Variants in XPNPEP1 observed in about 807,000 individuals in gnomAD.
XPNPEP1 encodes the protein X-prolyl aminopeptidase 1.
In XPNPEP1, 39 loss-of-function variants were observed where a neutral mutation model predicts 92.4. That is an observed-to-expected ratio of 0.42 (90% CI 0.33 to 0.55). XPNPEP1 has a LOEUF of 0.55. Ranked by LOEUF, XPNPEP1 falls within the 20% of genes least tolerant of loss-of-function variation. The pLI is 0.08. For missense variants in XPNPEP1, 654 were observed against 856.1 expected (o/e 0.76, Z 2.95); for synonymous variants, 307 against 299.4 (o/e 1.03, Z -0.26).
chr10:109,918,151 A>G (rs1477690584), intron 1 of XPNPEP1, among the ~76,000 whole-genome samples: 1 of 152,026 alleles, frequency 6.6e-6, no homozygotes, highest in Non-Finnish European at 1.5e-5. Flanking sequence ...CCCAGGCACA[A>G]TGACTCACAT....
chr10:109,894,975 C>A (rs1848906533), intron 3 of XPNPEP1, among the ~76,000 whole-genome samples: 1 of 152,186 alleles, frequency 6.6e-6, no homozygotes, highest in Non-Finnish European at 1.5e-5. Context: ...GGGTGGCCCA[C>A]ACATCTCCTA....
At chr10:109,920,782 G>T (rs745877793) in intron 1 of XPNPEP1, among the ~76,000 whole-genome samples, 5 of 152,056 alleles carry the variant, frequency 3.3e-5, no homozygotes, top group Non-Finnish European at 7.4e-5. Flanking sequence ...CTGGCCTCAA[G>T]TGATCCTCCC....
At chr10:109,893,358 C>A (rs936212498) in intron 3 of XPNPEP1, 44 of 307,656 alleles carry the variant, frequency 1.4e-4, no homozygotes, top group African/African-American at 9.0e-4. Context: ...TCTTTCTTCA[C>A]TGAGATCTTA....
At chr10:109,878,780 G>A (rs1202360216) in intron 12 of XPNPEP1, among the ~76,000 whole-genome samples, 2 of 151,920 alleles carry the variant, frequency 1.3e-5, no homozygotes, top group Non-Finnish European at 2.9e-5. Context: ...GGAGGCTGAG[G>A]TGGGAGGATC....
intron 10 of XPNPEP1, among the ~76,000 whole-genome samples, chr10:109,881,943 T>C (rs1367782407): frequency 6.6e-6 from 1 of 152,202 alleles, no homozygotes; most frequent in South Asian, 2.1e-4. Context: ...CTATAAAATG[T>C]GGTGCGGCAG....
intron 3 of XPNPEP1, among the ~76,000 whole-genome samples, chr10:109,898,543 C>T (rs1849106392): frequency 6.6e-6 from 1 of 152,038 alleles, no homozygotes; most frequent in Non-Finnish European, 1.5e-5. Context: ...CAAGGATAGG[C>T]GAAGAGAGCA....
chr10:109,910,253 T>C (rs536999494), intron 2 of XPNPEP1, among the ~76,000 whole-genome samples: 1 of 152,286 alleles, frequency 6.6e-6, no homozygotes, highest in South Asian at 2.1e-4. Context: ...CACTTAAGAA[T>C]ATGCATTTAA....
chr10:109,866,498 A>C (rs1847152248), intron 20 of XPNPEP1, among the ~76,000 whole-genome samples: 1 of 152,238 alleles, frequency 6.6e-6, no homozygotes, highest in Non-Finnish European at 1.5e-5. Context: ...CTCAACAGTA[A>C]GGCAACGGCA....
chr10:109,878,634 T>A, intron 12 of XPNPEP1, among the ~76,000 whole-genome samples: 1 of 152,156 alleles, frequency 6.6e-6, no homozygotes, highest in Non-Finnish European at 1.5e-5. Flanking sequence ...ACACCTATAA[T>A]CCTAGCACTT....
In XPNPEP1 at chr10:109,888,613, G is replaced by A. The variant is rs757264892; in HGVS notation, c.416-18C>T. The A allele has an allele frequency of 1.8e-5, 28 of 1,577,964 alleles. No homozygotes were observed. The East Asian group carries it at 2.9e-4, about 17-fold the overall frequency. On this transcript the variant is annotated intron_variant, in intron 5 of 20. Transcript: ENST00000502935. The stretch of plus-strand genomic sequence containing the variant: ...CTTCAGACCTACAGGGGGAAGAAAT[G>A]ATAAGAAACAATTCCCAGTGGGCCC...
intron 1 of XPNPEP1, among the ~76,000 whole-genome samples, chr10:109,915,795 GAA>G: frequency 6.6e-6 from 1 of 152,298 alleles, no homozygotes; most frequent in Admixed American, 6.5e-5. Context: ...CACCAGGCAT[GAA>G]GGTCTATATC....
chr10:109,887,980 C>T (rs472049), intron 7 of XPNPEP1, 69 bp downstream of exon 7: 671,698 of 1,584,630 alleles, frequency 0.42, 147,807 homozygotes, highest in African/African-American at 0.51. Context: ...GAGGACGAGG[C>T]TGGAGACAAT....
intron 3 of XPNPEP1, among the ~76,000 whole-genome samples, chr10:109,902,073 A>G (rs1371534903): frequency 6.6e-6 from 1 of 152,242 alleles, no homozygotes; most frequent in Admixed American, 6.5e-5. Context: ...GACAGTGCTA[A>G]TGAGGTCCTT....
rs919827935 is a variant in XPNPEP1, at chr10:109,875,515, C to T, written c.1391+13G>A. On this transcript the variant is annotated intron_variant, in intron 15 of 20. Coordinates refer to ENST00000502935, the MANE Select transcript of XPNPEP1 (RefSeq NM_020383.4). Reference sequence around the variant, plus strand: ...TCCATAGTCAAGTTCCACAGCAGTCCTGGTTTACTTACTTGTATTGAGCAC... The same window carrying T: ...TCCATAGTCAAGTTCCACAGCAGTCTTGGTTTACTTACTTGTATTGAGCAC... The T allele has an allele frequency of 2.5e-6, 4 of 1,613,610 alleles. No homozygotes were observed. Among genetic ancestry groups the T allele is most frequent in the Middle Eastern group, 3.3e-4 (2 of 6,060 alleles).
chr10:109,877,466 C>CA (rs11403472), intron 14 of XPNPEP1: 66,232 of 220,364 alleles, frequency 0.3, 5,404 homozygotes, highest in Admixed American at 0.45. Context: ...ACCTTGTCTC[C>CA]AAAAAAAAAA....
At chr10:109,903,580 A>G (rs573713696) in intron 3 of XPNPEP1, among the ~76,000 whole-genome samples, 9 of 152,356 alleles carry the variant, frequency 5.9e-5, no homozygotes, top group Admixed American at 2.0e-4. Flanking sequence ...CAGAGAATCC[A>G]GGTGACATGA....
chr10:109,871,553 C>T (rs1847474450), intron 17 of XPNPEP1, among the ~76,000 whole-genome samples: 1 of 152,134 alleles, frequency 6.6e-6, no homozygotes, highest in African/African-American at 2.4e-5. Flanking sequence ...CATCCAATAC[C>T]ATAAGTGGTC....
At chr10:109,877,461 G>T in intron 14 of XPNPEP1, 1 of 258,790 alleles carries the variant, frequency 3.9e-6, no homozygotes, top group East Asian at 8.9e-5. Flanking sequence ...GCAAGACCTT[G>T]TCTCCAAAAA....
At chr10:109,875,011 G>A (rs2133372928) in intron 15 of XPNPEP1, among the ~76,000 whole-genome samples, 1 of 152,240 alleles carries the variant, frequency 6.6e-6, no homozygotes, top group East Asian at 1.9e-4. Flanking sequence ...TCCTTCTTTT[G>A]GGTTCCGTAT....
Sources: gnomAD v4.1 joint callset for allele counts (sites outside exome capture counted in the v4.1 genomes callset) on GRCh38, gnomAD v4.1.1 for gene constraint, MANE v1.5 for transcripts, NCBI Gene and HGNC (gene_info 2026-07-23, HGNC 2026-07-21) for gene names.